Variants in CPED1 observed in about 807,000 individuals in gnomAD.
CPED1 encodes cadherin like and PC-esterase domain containing 1, also known as cadherin-like and PC-esterase domain-containing protein 1.
In CPED1, 114 loss-of-function variants were observed where a neutral mutation model predicts 128.2. The observed-to-expected ratio is 0.89, with a 90% confidence interval of 0.76 to 1.04. CPED1 has a LOEUF of 1.04. Ranked by LOEUF, CPED1 falls within the 50% of genes least tolerant of loss-of-function variation. The pLI, the probability that CPED1 is intolerant of heterozygous loss-of-function variation, is 0.00. For synonymous variants in CPED1, 462 were observed against 426.7 expected (o/e 1.08, Z -1.02); for missense variants, 1,211 against 1,207.1 (o/e 1.00, Z -0.05).
chr7:121,220,618 G>T (rs898047939), intron 16 of CPED1, among the ~76,000 whole-genome samples: 2 of 151,908 alleles, frequency 1.3e-5, no homozygotes, highest in Non-Finnish European at 2.9e-5. Flanking sequence ...AGAGCTATCA[G>T]TTCTCTTCTT....
At chr7:121,055,032 G>GT (rs1398354127) in intron 4 of CPED1, among the ~76,000 whole-genome samples, 1 of 152,130 alleles carries the variant, frequency 6.6e-6, no homozygotes, top group East Asian at 1.9e-4. Flanking sequence ...TCAATTAGCA[G>GT]TTTATTCCTT....
chr7:121,194,144 T>C (rs977000857), intron 16 of CPED1, among the ~76,000 whole-genome samples: 2 of 147,688 alleles, frequency 1.4e-5, no homozygotes, highest in African/African-American at 5.0e-5. Flanking sequence ...GCCTCCCAGG[T>C]TCAAGCAATT....
chr7:120,991,327 T>C (rs1796306446), intron 2 of CPED1, among the ~76,000 whole-genome samples: 1 of 152,236 alleles, frequency 6.6e-6, no homozygotes, highest in Non-Finnish European at 1.5e-5. Context: ...TTAGGCACAG[T>C]AAAGTTATTG....
At chr7:121,284,349 C>A (rs1792521631) in intron 22 of CPED1, among the ~76,000 whole-genome samples, 1 of 152,146 alleles carries the variant, frequency 6.6e-6, no homozygotes, top group Non-Finnish European at 1.5e-5. Context: ...ACAGCCAAAC[C>A]ATATCATTCT....
rs187716186 is a variant in CPED1 at position 121,257,227 on chromosome 7, T to C, written c.2311-9000T>C. 5.3e-5 allele frequency among the ~76,000 whole-genome samples: 8 copies of C among 151,986 alleles called. No individual in the cohort carries two copies. In the East Asian group the frequency reaches 1.2e-3, roughly 22 times the overall value. On this transcript the variant is annotated intron_variant, in intron 18 of 22. Transcript: ENST00000310396. The stretch of plus-strand genomic sequence containing the variant: ...CATATCTGCAATAAAAGTTGAAGTT[T>C]GGGGAAAAAAAGACAATAGAAGAGC...
intron 22 of CPED1, among the ~76,000 whole-genome samples, chr7:121,274,682 A>G (rs1792298389): frequency 6.6e-6 from 1 of 152,132 alleles, no homozygotes. Flanking sequence ...TAACTCTTGA[A>G]CAATTTGTAC....
chr7:121,062,538 C>A (rs1445860507), intron 4 of CPED1, among the ~76,000 whole-genome samples: 1 of 152,180 alleles, frequency 6.6e-6, no homozygotes, highest in Non-Finnish European at 1.5e-5. Flanking sequence ...GAAAGCCCTT[C>A]TTTTTCTACA....
chr7:121,022,501 A>G (rs375525093), intron 3 of CPED1, among the ~76,000 whole-genome samples: 1 of 151,872 alleles, frequency 6.6e-6, no homozygotes, highest in African/African-American at 2.4e-5. Flanking sequence ...ATTTTGGGAC[A>G]GGTTGGATGA....
At chr7:121,154,835 C>T (rs1043970049) in intron 16 of CPED1, among the ~76,000 whole-genome samples, 2 of 152,178 alleles carry the variant, frequency 1.3e-5, no homozygotes, top group South Asian at 2.1e-4. Flanking sequence ...TGAGCCACCG[C>T]GCCCGGCCTA....
At chr7:121,077,833 T>C (rs1427385491) in intron 5 of CPED1, among the ~76,000 whole-genome samples, 2 of 151,958 alleles carry the variant, frequency 1.3e-5, no homozygotes, top group Non-Finnish European at 2.9e-5. Flanking sequence ...TTATGGTATT[T>C]CTAGGCTCAC....
chr7:121,166,884 C>A (rs1796538836), intron 16 of CPED1, among the ~76,000 whole-genome samples: 1 of 152,116 alleles, frequency 6.6e-6, no homozygotes, highest in African/African-American at 2.4e-5. Context: ...GGATCATGAT[C>A]TACAAGTAGA....
intron 7 of CPED1, among the ~76,000 whole-genome samples, chr7:121,110,492 A>C (rs1397699708): frequency 6.6e-6 from 1 of 152,182 alleles, no homozygotes; most frequent in Admixed American, 6.5e-5. Flanking sequence ...CTGAGCTATA[A>C]TTCTGTGATG....
At chr7:121,117,953 T>C (rs1254813708) in intron 7 of CPED1, among the ~76,000 whole-genome samples, 2 of 151,870 alleles carry the variant, frequency 1.3e-5, no homozygotes, top group African/African-American at 4.8e-5. Flanking sequence ...AATTTAACTA[T>C]GTTGTTCTTT....
chr7:121,151,248 C>T (rs1796152429), intron 16 of CPED1, among the ~76,000 whole-genome samples: 1 of 152,066 alleles, frequency 6.6e-6, no homozygotes, highest in South Asian at 2.1e-4. Flanking sequence ...CGTATATATG[C>T]CCAATGCCGT....
intron 5 of CPED1, among the ~76,000 whole-genome samples, chr7:121,068,595 T>A (rs939745325): frequency 1.3e-5 from 2 of 151,490 alleles, no homozygotes; most frequent in African/African-American, 4.9e-5. Flanking sequence ...CTTGGCAATG[T>A]GGGCTCTTTT....
At chr7:121,007,231 A>G (rs73221231) in intron 2 of CPED1, among the ~76,000 whole-genome samples, 1 of 129,824 alleles carries the variant, frequency 7.7e-6, no homozygotes, top group African/African-American at 2.9e-5. Flanking sequence ...TTCAGGTTGC[A>G]TTTTTTTTTT....
chr7:121,216,079 T>A (rs1358858288), intron 16 of CPED1, among the ~76,000 whole-genome samples: 1 of 152,086 alleles, frequency 6.6e-6, no homozygotes, highest in Non-Finnish European at 1.5e-5. Flanking sequence ...CAGTCTACAC[T>A]CTTAAACTCT....
chr7:121,236,855 T>G (rs755460890), intron 17 of CPED1, 24 bp downstream of exon 17: 1 of 1,267,042 alleles, frequency 7.9e-7, no homozygotes, highest in Non-Finnish European at 1.1e-6. Context: ...TGGATATCAC[T>G]TCTCTAAAAA....
At chr7:121,095,870 T>C (rs926867902) in intron 5 of CPED1, among the ~76,000 whole-genome samples, 2 of 152,162 alleles carry the variant, frequency 1.3e-5, no homozygotes, top group African/African-American at 4.8e-5. Flanking sequence ...AATTCTGTGC[T>C]TTTTGGCAGC....
Sources: gnomAD v4.1 joint callset for allele counts (sites outside exome capture counted in the v4.1 genomes callset) on GRCh38, gnomAD v4.1.1 for gene constraint, MANE v1.5 for transcripts, NCBI Gene and HGNC (gene_info 2026-07-23, HGNC 2026-07-21) for gene names.